B3GALT5: variants seen among roughly 807,000 people sequenced by gnomAD.
The protein encoded by B3GALT5 is beta-1,3-galactosyltransferase 5, also known as UDP-Gal:betaGlcNAc beta 1,3-galactosyltransferase, polypeptide 5.
For synonymous variants in B3GALT5, 156 were observed against 158.6 expected (o/e 0.98, Z 0.12); for missense variants, 328 against 396.6 (o/e 0.83, Z 1.47).
chr21:39,637,043 C>T (rs1310065745), intron 1 of B3GALT5, among the ~76,000 whole-genome samples: 1 of 152,166 alleles, frequency 6.6e-6, no homozygotes, highest in South Asian at 2.1e-4. Flanking sequence ...AACAGGGGAC[C>T]TGTGCTGTGC....
intron 1 of B3GALT5, among the ~76,000 whole-genome samples, chr21:39,640,553 A>G (rs548192903): frequency 6.6e-6 from 1 of 152,212 alleles, no homozygotes; most frequent in African/African-American, 2.4e-5. Context: ...GCCTATCCTT[A>G]AAAGTTCTCA....
At chr21:39,653,074 C>T (rs993098992) in intron 2 of B3GALT5, among the ~76,000 whole-genome samples, 2 of 152,242 alleles carry the variant, frequency 1.3e-5, no homozygotes, top group African/African-American at 2.4e-5. Context: ...AGAATGTATT[C>T]GTCTCTCCAG....
At chr21:39,620,291 A>G (rs956587864) in intron 1 of B3GALT5, among the ~76,000 whole-genome samples, 2 of 152,214 alleles carry the variant, frequency 1.3e-5, no homozygotes, top group Non-Finnish European at 2.9e-5. Context: ...TAAACTTGAC[A>G]TCTCAGAAGA....
intron 1 of B3GALT5, among the ~76,000 whole-genome samples, chr21:39,629,103 T>A (rs2079178987): frequency 6.6e-6 from 1 of 152,086 alleles, no homozygotes; most frequent in Non-Finnish European, 1.5e-5. Flanking sequence ...AACCTCTGCC[T>A]CCTGGGTTCA....
intron 1 of B3GALT5, among the ~76,000 whole-genome samples, chr21:39,639,400 T>TTCTCTTTCTTTCTTTCTTTCTTTC (rs1339331444): frequency 1.7e-4 from 10 of 57,196 alleles, no homozygotes; most frequent in South Asian, 6.7e-4. Flanking sequence ...CCTTCTTTCT[T>TTCTCTTTCTTTCTTTCTTTCTTTC]TTTCTTTCTT....
chr21:39,639,298 C>CTT (rs1257818563), intron 1 of B3GALT5, among the ~76,000 whole-genome samples: 2 of 65,592 alleles, frequency 3.0e-5, no homozygotes, highest in African/African-American at 6.5e-5. Flanking sequence ...CTCTTTCTTT[C>CTT]TTTCTTTCTT....
At chr21:39,657,663 G>A (rs73215502) in intron 2 of B3GALT5, 3 of 26,758 alleles carry the variant, frequency 1.1e-4, no homozygotes, top group Non-Finnish European at 3.2e-4. Context: ...TCATCTATCT[G>A]TCTGTCTATC....
chr21:39,621,590 T>G (rs1160313405), intron 1 of B3GALT5, among the ~76,000 whole-genome samples: 1 of 152,106 alleles, frequency 6.6e-6, no homozygotes, highest in African/African-American at 2.4e-5. Context: ...CATTGTTTAT[T>G]TAGGTTCTAT....
chr21:39,630,385 CAG>C (rs1171709836), intron 1 of B3GALT5: 1 of 152,066 alleles, frequency 6.6e-6, no homozygotes, highest in East Asian at 1.9e-4. Context: ...TTCCAAGCGT[CAG>C]AGTCTTAGGT....
intron 2 of B3GALT5, among the ~76,000 whole-genome samples, chr21:39,656,101 C>T (rs1261595939): frequency 6.6e-6 from 1 of 152,180 alleles, no homozygotes; most frequent in East Asian, 1.9e-4. Context: ...GGCCCCAGAC[C>T]TGCCAGAATC....
chr21:39,647,627 C>T (rs1050751447), intron 2 of B3GALT5, among the ~76,000 whole-genome samples: 10 of 152,084 alleles, frequency 6.6e-5, no homozygotes, highest in Admixed American at 2.0e-4. Flanking sequence ...GGATTATGGG[C>T]GTGAGTCACC....
intron 1 of B3GALT5, 49 bp downstream of exon 1, chr21:39,613,116 C>CG (rs1355383292): frequency 6.8e-6 from 1 of 147,316 alleles, no homozygotes; most frequent in Non-Finnish European, 1.5e-5. Context: ...TGGCCGGGAG[C>CG]GGGGGGCCGG....
chr21:39,639,401 T>TCTCC (rs60094395), intron 1 of B3GALT5, among the ~76,000 whole-genome samples: 1 of 32,888 alleles, frequency 3.0e-5, no homozygotes, highest in Non-Finnish European at 5.6e-5. Context: ...CTTCTTTCTT[T>TCTCC]TTCTTTCTTT....
At chr21:39,613,090 G>T in intron 1 of B3GALT5, 23 bp downstream of exon 1, 1 of 149,012 alleles carries the variant, frequency 6.7e-6, no homozygotes, top group South Asian at 1.8e-4. Context: ...GCTGGGGCGC[G>T]GGGCGCGGGG....
intron 1 of B3GALT5, among the ~76,000 whole-genome samples, chr21:39,617,719 A>G (rs563911443): frequency 3.3e-5 from 5 of 152,352 alleles, no homozygotes; most frequent in Admixed American, 2.6e-4. Context: ...GGCCCCAAAC[A>G]AATTCATAAA....
At chr21:39,630,121 C>G (rs1030971079) in intron 1 of B3GALT5, 2 of 152,244 alleles carry the variant, frequency 1.3e-5, no homozygotes, top group Admixed American at 1.3e-4. Flanking sequence ...AAGCCAGATA[C>G]CTGTGAAAAA....
At chr21:39,656,123 G>A (rs928169728) in intron 2 of B3GALT5, among the ~76,000 whole-genome samples, 2 of 152,212 alleles carry the variant, frequency 1.3e-5, no homozygotes, top group African/African-American at 4.8e-5. Context: ...CTGTGAGATG[G>A]AACCTTTCAA....
chr21:39,617,896 G>A (rs1236096240), intron 1 of B3GALT5, among the ~76,000 whole-genome samples: 1 of 152,124 alleles, frequency 6.6e-6, no homozygotes, highest in African/African-American at 2.4e-5. Context: ...TATGTAAAAT[G>A]GTAGGCTGAG....
At chr21:39,643,584 C>T (rs1002768549) in intron 1 of B3GALT5, among the ~76,000 whole-genome samples, 5 of 152,188 alleles carry the variant, frequency 3.3e-5, no homozygotes, top group Admixed American at 2.0e-4. Context: ...GTTGAATTTG[C>T]GTTTCCTCTT....
Sources: gnomAD v4.1 joint callset for allele counts (sites outside exome capture counted in the v4.1 genomes callset) on GRCh38, gnomAD v4.1.1 for gene constraint, MANE v1.5 for transcripts, NCBI Gene and HGNC (gene_info 2026-07-23, HGNC 2026-07-21) for gene names.